PGM2L1: variants seen among roughly 807,000 people sequenced by gnomAD.
The protein encoded by PGM2L1 is phosphoglucomutase 2 like 1.
A neutral mutation model predicts 73.4 loss-of-function variants in PGM2L1; 35 were observed. That is an observed-to-expected ratio of 0.48 (90% CI 0.36 to 0.63). The LOEUF is 0.63. Ranked by LOEUF, PGM2L1 falls within the 30% of genes least tolerant of loss-of-function variation. The pLI, the probability that PGM2L1 is intolerant of heterozygous loss-of-function variation, is 0.00. For missense variants in PGM2L1, 570 were observed against 742.0 expected (o/e 0.77, Z 2.69); for synonymous variants, 225 against 253.8 (o/e 0.89, Z 1.08).
At chr11:74,393,493 C>T (rs568709460) in intron 1 of PGM2L1, among the ~76,000 whole-genome samples, 1 of 152,240 alleles carries the variant, frequency 6.6e-6, no homozygotes, top group African/African-American at 2.4e-5. Flanking sequence ...TTAGGAGGCA[C>T]AGAAAATCAT....
chr11:74,341,602 G>C (rs1339706535), intron 12 of PGM2L1, among the ~76,000 whole-genome samples: 1 of 146,786 alleles, frequency 6.8e-6, no homozygotes, highest in African/African-American at 2.5e-5. Flanking sequence ...TGAGGCAGGA[G>C]AATCAGTTGA....
In PGM2L1 at chr11:74,336,847, G is replaced by T. The variant is rs938970195; in HGVS notation, c.1767-93C>A. The stretch of plus-strand genomic sequence containing the variant: ...TGATTTTTTAAGAGGTCCTGATGGA[G>T]TCATTAAACAATTGGTAAACAAAAG... On this transcript the variant is annotated intron_variant, in intron 13 of 13. Coordinates refer to ENST00000298198, the MANE Select transcript of PGM2L1 (RefSeq NM_173582.6). 4 of 748,226 alleles carry T rather than the reference G, an allele frequency of 5.3e-6. No homozygotes were observed. The African/African-American group carries it at 5.4e-5, about 10-fold the overall frequency. The allele number at this position is 748,226 out of a possible 1,614,324, so 46.3% of individuals were successfully genotyped here. A position where few individuals can be genotyped will look rare whatever the true frequency, so the allele number is the denominator to read the frequency against.
chr11:74,372,031 C>T (rs545396971), intron 2 of PGM2L1, among the ~76,000 whole-genome samples: 7 of 151,606 alleles, frequency 4.6e-5, no homozygotes, highest in African/African-American at 1.7e-4. Flanking sequence ...ACATTTAATA[C>T]CATGGAAATA....
chr11:74,347,283 G>A lies in PGM2L1; in HGVS notation c.804C>T (p.Val268=), dbSNP rs748808771. 5.6e-6 allele frequency: 9 copies of A among 1,610,578 alleles called. No individual in the cohort carries two copies. The highest frequency in any genetic ancestry group is 4.4e-5 in the South Asian group (4 of 90,096). The change falls in exon 7 of 14, where the codon GTC becomes GTT. Residue 268 remains valine (V), a synonymous_variant. Transcript: ENST00000298198. Reference sequence around the variant, plus strand: ...AAGCCAACTGCACATAGTCATGTCCGACCCCATGAAAAGATGTGTGCACAA... The same window carrying A: ...AAGCCAACTGCACATAGTCATGTCCAACCCCATGAAAAGATGTGTGCACAA... The part of the protein sequence containing the change: ...LKFVHTSFHG[V]GHDYVQLAFK...
intron 1 of PGM2L1, among the ~76,000 whole-genome samples, chr11:74,382,621 C>A (rs1288566462): frequency 1.3e-5 from 2 of 152,154 alleles, no homozygotes; most frequent in African/African-American, 4.8e-5. Flanking sequence ...ACCTCAGCCT[C>A]CCAAGTAACT....
chr11:74,376,601 G>A (rs965707275), intron 1 of PGM2L1, among the ~76,000 whole-genome samples: 1 of 151,536 alleles, frequency 6.6e-6, no homozygotes, highest in Non-Finnish European at 1.5e-5. Context: ...ATATATGTAT[G>A]TATATATACG....
chr11:74,384,502 C>T (rs1241176797), intron 1 of PGM2L1, among the ~76,000 whole-genome samples: 1 of 151,712 alleles, frequency 6.6e-6, no homozygotes, highest in Non-Finnish European at 1.5e-5. Context: ...TCTGCAGGTT[C>T]TTGTTTATGT....
chr11:74,379,129 A>G (rs182451786), intron 1 of PGM2L1, among the ~76,000 whole-genome samples: 1 of 152,334 alleles, frequency 6.6e-6, no homozygotes, highest in East Asian at 1.9e-4. Flanking sequence ...TGCAGGCTGT[A>G]CAAGCACAGC....
At chr11:74,355,560 A>G (rs1190825383) in intron 5 of PGM2L1, 2 of 301,658 alleles carry the variant, frequency 6.6e-6, no homozygotes, top group African/African-American at 4.9e-5. Context: ...TCTCAAAAAA[A>G]AAAAAAAAAA....
At chr11:74,366,576 G>A (rs1285935847) in intron 5 of PGM2L1, among the ~76,000 whole-genome samples, 1 of 151,908 alleles carries the variant, frequency 6.6e-6, no homozygotes, top group Non-Finnish European at 1.5e-5. Context: ...CTTCAAGGAA[G>A]CACTATCTGA....
Position 74,391,401 on chromosome 11 carries a change from T to A in PGM2L1, c.111+6650A>T, listed in dbSNP as rs1177131120. ...CAGTACACTATTTTCATCTAGGATT[T>A]CTTTACATTGGATTTCTGGGGAAGT... On this transcript the variant is annotated intron_variant, in intron 1 of 13. Coordinates refer to ENST00000298198, the MANE Select transcript of PGM2L1 (RefSeq NM_173582.6). 2.0e-5 allele frequency among the ~76,000 whole-genome samples: 3 copies of A among 152,094 alleles called. No homozygotes were observed. In the South Asian group the frequency reaches 6.2e-4, roughly 32 times the overall value.
intron 5 of PGM2L1, among the ~76,000 whole-genome samples, chr11:74,356,582 A>C (rs1032457650): frequency 2.0e-5 from 3 of 152,210 alleles, no homozygotes; most frequent in Non-Finnish European, 4.4e-5. Flanking sequence ...TACAAATGCC[A>C]AAATAACTTT....
intron 1 of PGM2L1, among the ~76,000 whole-genome samples, chr11:74,391,807 C>T (rs1359381081): frequency 5.3e-5 from 8 of 150,860 alleles, no homozygotes; most frequent in East Asian, 2.0e-4. Context: ...TATTTGACTA[C>T]GCTAGGTACC....
chr11:74,360,914 G>C (rs945187047), intron 5 of PGM2L1, among the ~76,000 whole-genome samples: 1 of 152,218 alleles, frequency 6.6e-6, no homozygotes, highest in Non-Finnish European at 1.5e-5. Flanking sequence ...CTCGAACTGG[G>C]TGGAGCCCAC....
chr11:74,347,012 T>C (rs1013477073), intron 7 of PGM2L1, 136 bp downstream of exon 7: 1 of 971,730 alleles, frequency 1.0e-6, no homozygotes, highest in Middle Eastern at 2.5e-4. Context: ...ACACAGCCTA[T>C]TATTACTCCA....
chr11:74,347,144 A>C lies in PGM2L1; in HGVS notation c.939+4T>G. The C allele has an allele frequency of 2.6e-6, 4 of 1,540,364 alleles. No homozygotes were observed. The highest frequency in any genetic ancestry group is 3.5e-6 in the Non-Finnish European group (4 of 1,148,056). ...AATAATAATTTAAATATTTAAAAAA[A>C]TACCAGCACAGATTCTCCTTCTTCA... On this transcript the variant is annotated splice_donor_region_variant and intron_variant, in intron 7 of 13. Transcript: ENST00000298198.
chr11:74,332,363 A>C lies in PGM2L1; in HGVS notation c.*4289T>G, dbSNP rs527266075. On this transcript the variant is annotated 3_prime_UTR_variant, in exon 14 of 14. Transcript: ENST00000298198. ...GTATGCAGACAGATCAAAACAGGTT[A>C]TGAAATAGATTTAAAATTACTTCCT... The C allele has an allele frequency of 6.6e-6, 1 of 152,414 alleles. No individual in the cohort carries two copies. Among genetic ancestry groups the C allele is most frequent in the East Asian group, 1.9e-4 (1 of 5,192 alleles). 9.4% of individuals were successfully genotyped at this position (152,414 alleles called of 1,614,324 possible).
chr11:74,368,580 AAAAT>A lies in PGM2L1; in HGVS notation c.472-9_472-6del. ...GAGCTTCTGAACTGCATATGGCTGA[AAAAT>A]AAATAACACCATAATTCCATTTTGC... On this transcript the variant is annotated splice_polypyrimidine_tract_variant and splice_region_variant and intron_variant, in intron 4 of 13. Coordinates refer to ENST00000298198, the MANE Select transcript of PGM2L1 (RefSeq NM_173582.6). 1 of 1,611,476 alleles carries A rather than the reference AAAAT, an allele frequency of 6.2e-7. No homozygotes were observed. The highest frequency in any genetic ancestry group is 8.5e-7 in the Non-Finnish European group (1 of 1,177,790).
At chr11:74,353,218 C>A (rs1448786015) in intron 5 of PGM2L1, among the ~76,000 whole-genome samples, 1 of 151,898 alleles carries the variant, frequency 6.6e-6, no homozygotes, top group Non-Finnish European at 1.5e-5. Flanking sequence ...ATTTTAATAT[C>A]CTAACAGAAA....
Sources: allele counts gnomAD v4.1 joint callset (sites outside exome capture counted in the v4.1 genomes callset), GRCh38; gene constraint gnomAD v4.1.1; transcripts MANE v1.5; gene names NCBI Gene and HGNC (gene_info 2026-07-23, HGNC 2026-07-21).